The following CADM2 variants were observed in gnomAD, a reference collection of about 807,000 sequenced individuals.
The protein encoded by CADM2 is cell adhesion molecule 2.
Under a neutral mutation model 49.8 loss-of-function variants are expected in CADM2, and 12 were observed. The observed-to-expected ratio is 0.24, with a 90% CI of 0.15 to 0.39. The LOEUF (loss-of-function observed/expected upper bound fraction) is 0.39, where lower values mean the gene tolerates loss of function less well. Among genes scored for constraint, CADM2 ranks in the 10% least tolerant of loss-of-function variants. The pLI is 1.00. For missense variants in CADM2, 378 were observed against 492.3 expected (o/e 0.77, Z 2.20); for synonymous variants, 214 against 175.4 (o/e 1.22, Z -1.74).
At chr3:85,980,624 A>G (rs957892615) in intron 8 of CADM2, among the ~76,000 whole-genome samples, 11 of 151,552 alleles carry the variant, frequency 7.3e-5, no homozygotes, top group Non-Finnish European at 1.3e-4. Context: ...ATGGGAAAAG[A>G]GACATAATGA....
At chr3:85,405,747 C>T (rs560378044) in intron 1 of CADM2, among the ~76,000 whole-genome samples, 1 of 151,508 alleles carries the variant, frequency 6.6e-6, no homozygotes, top group Non-Finnish European at 1.5e-5. Context: ...AGTACACGTG[C>T]AGGATGTGCA....
intron 7 of CADM2, among the ~76,000 whole-genome samples, chr3:85,959,007 C>G (rs374220505): frequency 6.6e-6 from 1 of 151,032 alleles, no homozygotes; most frequent in African/African-American, 2.4e-5. Context: ...ACACATGTTT[C>G]GTGGAACTTA....
intron 8 of CADM2, among the ~76,000 whole-genome samples, chr3:86,064,508 A>G (rs1364059478): frequency 1.3e-5 from 2 of 152,198 alleles, no homozygotes; most frequent in Non-Finnish European, 2.9e-5. Context: ...TAGTGCCGCA[A>G]TAAACATGTG....
intron 1 of CADM2, among the ~76,000 whole-genome samples, chr3:85,399,550 C>G (rs931959743): frequency 1.5e-4 from 23 of 152,274 alleles, no homozygotes; most frequent in Admixed American, 1.5e-3. Flanking sequence ...GGCATTGAAT[C>G]TATAACATAC....
At chr3:85,385,172 T>C (rs1048210847) in intron 1 of CADM2, among the ~76,000 whole-genome samples, 1 of 152,148 alleles carries the variant, frequency 6.6e-6, no homozygotes, top group African/African-American at 2.4e-5. Context: ...TGTCCTCAGG[T>C]GATCCACCTG....
At chr3:85,169,097 C>T (rs555582985) in intron 1 of CADM2, among the ~76,000 whole-genome samples, 13 of 152,154 alleles carry the variant, frequency 8.5e-5, no homozygotes, top group South Asian at 8.3e-4. Context: ...GGGTTACAGG[C>T]GCCCACCACC....
intron 1 of CADM2, among the ~76,000 whole-genome samples, chr3:85,329,636 T>C (rs1436137766): frequency 6.6e-6 from 1 of 152,046 alleles, no homozygotes; most frequent in Non-Finnish European, 1.5e-5. Context: ...TCATATTTAT[T>C]ATCCTAAAAT....
intron 1 of CADM2, among the ~76,000 whole-genome samples, chr3:85,722,553 C>A (rs1028101130): frequency 6.6e-6 from 1 of 152,144 alleles, no homozygotes; most frequent in East Asian, 1.9e-4. Context: ...CCAGTAATGT[C>A]CTTGCTAACT....
intron 1 of CADM2, among the ~76,000 whole-genome samples, chr3:85,117,267 A>G (rs1405914628): frequency 6.6e-6 from 1 of 152,016 alleles, no homozygotes; most frequent in Non-Finnish European, 1.5e-5. Flanking sequence ...TTTTTCTTCT[A>G]AATATGATGG....
At chr3:85,848,619 GTTCACTTTGGTTTGAGTTCTTAACT>G (rs541010438) in intron 3 of CADM2, among the ~76,000 whole-genome samples, 140 of 152,156 alleles carry the variant, frequency 9.2e-4, no homozygotes, top group African/African-American at 3.2e-3. Flanking sequence ...TTAGTACATG[GTTCACTTTGGTTTGAGTTCTTAACT>G]TTCAGTCATA....
At chr3:85,102,737 T>A (rs1331246349) in intron 1 of CADM2, among the ~76,000 whole-genome samples, 2 of 152,192 alleles carry the variant, frequency 1.3e-5, no homozygotes, top group East Asian at 3.8e-4. Context: ...GGTGAATGCA[T>A]GAATTCTTTA....
intron 1 of CADM2, among the ~76,000 whole-genome samples, chr3:84,984,353 A>G (rs2032410880): frequency 8.1e-6 from 1 of 123,636 alleles, no homozygotes; most frequent in Admixed American, 8.5e-5. Context: ...CTCAAGATTA[A>G]GCTAAAAAAA....
chr3:86,030,766 T>C (rs1355784431), intron 8 of CADM2, among the ~76,000 whole-genome samples: 1 of 151,902 alleles, frequency 6.6e-6, no homozygotes, highest in Non-Finnish European at 1.5e-5. Context: ...CAAGTGTTCA[T>C]AAATGAATTG....
chr3:85,613,734 A>G (rs566772733), intron 1 of CADM2, among the ~76,000 whole-genome samples: 9 of 151,764 alleles, frequency 5.9e-5, no homozygotes, highest in Non-Finnish European at 1.3e-4. Flanking sequence ...TGACTATAAG[A>G]AGAAAATTTG....
At chr3:85,280,074 T>G (rs1330069580) in intron 1 of CADM2, among the ~76,000 whole-genome samples, 3 of 151,652 alleles carry the variant, frequency 2.0e-5, no homozygotes, top group African/African-American at 7.2e-5. Flanking sequence ...TGTTGCCTAT[T>G]CTTTGGTATC....
intron 8 of CADM2, among the ~76,000 whole-genome samples, chr3:85,999,832 C>A (rs1380489982): frequency 6.6e-6 from 1 of 152,032 alleles, no homozygotes; most frequent in African/African-American, 2.4e-5. Context: ...AAAGTCACTG[C>A]ATTCTATTAT....
At chr3:85,826,648 A>T (rs2073927379) in intron 3 of CADM2, among the ~76,000 whole-genome samples, 1 of 151,940 alleles carries the variant, frequency 6.6e-6, no homozygotes, top group South Asian at 2.1e-4. Flanking sequence ...AGAAGAATAA[A>T]CATTTTTCTT....
At chr3:85,807,273 C>T (rs1430482738) in intron 3 of CADM2, among the ~76,000 whole-genome samples, 12 of 151,812 alleles carry the variant, frequency 7.9e-5, no homozygotes, top group Non-Finnish European at 1.0e-4. Flanking sequence ...CTGTGGCAGG[C>T]GGATCACCTG....
intron 1 of CADM2, among the ~76,000 whole-genome samples, chr3:85,405,934 A>G (rs2035354142): frequency 6.6e-6 from 1 of 151,886 alleles, no homozygotes; most frequent in African/African-American, 2.4e-5. Flanking sequence ...AATAAATAAA[A>G]TAAAATAAAA....
Sources: allele counts gnomAD v4.1 joint callset (sites outside exome capture counted in the v4.1 genomes callset), GRCh38; gene constraint gnomAD v4.1.1; transcripts MANE v1.5; gene names NCBI Gene and HGNC (gene_info 2026-07-23, HGNC 2026-07-21).